The following SBF1 variants were observed in gnomAD, a reference collection of about 807,000 sequenced individuals.
SBF1 encodes SET binding factor 1, also known as myotubularin-related protein 5.
SBF1 carries 65 observed loss-of-function variants against 215.8 expected under a neutral mutation model. That is an observed-to-expected ratio of 0.30 (90% CI 0.25 to 0.37). The LOEUF is 0.37. SBF1 is among the 10% of genes least tolerant of loss of function. The probability of loss-of-function intolerance (pLI) is 1.00; values close to 1 mark genes in which losing one functional copy is unlikely to be tolerated. For missense variants in SBF1, 2,634 were observed against 2,667.8 expected, an observed-to-expected ratio of 0.99 and a Z score of 0.28; for synonymous variants, 1,410 against 1,122.8, an observed-to-expected ratio of 1.26 and a Z score of -5.11.
intron 36 of SBF1, among the ~76,000 whole-genome samples, chr22:50,451,337 C>T (rs1020698041): frequency 5.3e-5 from 8 of 151,974 alleles, no homozygotes. Context: ...AGAGCAAGAC[C>T]CTGTCTCAAG....
At chr22:50,456,918 G>C (rs998831757) in intron 29 of SBF1, 116 bp downstream of exon 29, 7 of 908,888 alleles carry the variant, frequency 7.7e-6, no homozygotes, top group Non-Finnish European at 9.4e-6. Flanking sequence ...CTCGGGAGAC[G>C]GGTCGTTAGT....
chr22:50,468,364 C>T lies in SBF1; in HGVS notation c.141+12G>A, dbSNP rs373099736. ...CACCTGCCAGCACCGTCTCAGCACG[C>T]CCCCAACTCACCAGCTCGATGCCCT... On this transcript the variant is annotated intron_variant, in intron 2 of 40. Coordinates refer to ENST00000380817, the MANE Select transcript of SBF1 (RefSeq NM_002972.4). 31 of 1,610,424 alleles carry T rather than the reference C, an allele frequency of 1.9e-5. No homozygotes were observed. In the Middle Eastern group the frequency reaches 5.0e-4, roughly 26 times the overall value.
Position 50,467,578 on chromosome 22 carries a change from T to C in SBF1, c.392A>G (p.Lys131Arg). 6.2e-7 allele frequency: 1 copy of C among 1,614,118 alleles called. No homozygotes were observed. The highest frequency in any genetic ancestry group is 8.5e-7 in the Non-Finnish European group (1 of 1,179,998). The part of the protein sequence containing the change: ...PAPSAQLFAP[K>R]TLVLVSRLDH... ...GAGTCGCGACACCAGTACCAGCGTCTTCGGTGCAAACAGCTGGGCAGATGG... is the reference window on the plus strand; with the variant it reads ...GAGTCGCGACACCAGTACCAGCGTCCTCGGTGCAAACAGCTGGGCAGATGG... Residue 131 changes from lysine (K) to arginine (R), a missense_variant, in exon 4 of 41, where the codon AAG becomes AGG. By Grantham distance (26) the Lys-to-Arg change is conservative. Transcript: ENST00000380817.
rs770565683 is a variant in SBF1 at position 50,456,598 on chromosome 22, C to T, written c.3980G>A (p.Arg1327Lys). ...GTDVGSRLAG[R>K]DALAPPQANG... ...GGCCTGGGGTGGGGCCAGCGCGTCT[C>T]TGCCAGCTAGCCGGGAGCCCACATC... Residue 1327 changes from arginine to lysine, a missense_variant, in exon 30 of 41, where the codon AGA (arginine) becomes AAA (lysine). Coordinates refer to ENST00000380817, the MANE Select transcript of SBF1 (RefSeq NM_002972.4). The T allele has an allele frequency of 1.3e-6, 2 of 1,535,648 alleles. No individual in the cohort carries two copies. Among genetic ancestry groups the T allele is most frequent in the Non-Finnish European group, 1.7e-6 (2 of 1,144,026 alleles).
At chr22:50,459,127 C>T (rs937433359) in intron 28 of SBF1, 128 bp downstream of exon 28, 1 of 1,358,812 alleles carries the variant, frequency 7.4e-7, no homozygotes, top group African/African-American at 1.5e-5. Flanking sequence ...GCATGCTCCT[C>T]ATCCCACACC....
At chr22:50,473,643 G>C (rs2068072118) in intron 1 of SBF1, among the ~76,000 whole-genome samples, 1 of 152,026 alleles carries the variant, frequency 6.6e-6, no homozygotes, top group African/African-American at 2.4e-5. Context: ...TCCAGCAGAA[G>C]AAACACAAAA....
At position 50,459,890 on chromosome 22, in the gene SBF1, G is replaced by A. The variant is rs932340765; in HGVS notation, c.3491+62C>T. ...CCAGAAGCCGTGGCCCAGGCCCACA[G>A]CGGGCAGGGAAGACACCCAGTCACG... On this transcript the variant is annotated intron_variant, in intron 26 of 40. Transcript: ENST00000380817. 1.9e-4 allele frequency: 298 copies of A among 1,567,900 alleles called. 1 individual carries two copies. In the African/African-American group the frequency reaches 1.9e-3, roughly 10 times the overall value.
intron 16 of SBF1, 82 bp downstream of exon 16, chr22:50,463,201 T>C: frequency 1.3e-6 from 2 of 1,553,968 alleles, no homozygotes; most frequent in East Asian, 4.6e-5. Context: ...GTCTCTCCAC[T>C]CTCACTCACA....
At position 50,445,315 on chromosome 22, in the gene SBF1, C is replaced by G. The variant is rs2066746921; in HGVS notation, c.*1827G>C. 6.9e-6 allele frequency: 1 copy of G among 145,010 alleles called. No individual in the cohort carries two copies. Among genetic ancestry groups the G allele is most frequent in the African/African-American group, 2.9e-5 (1 of 34,340 alleles). 9.0% of individuals were successfully genotyped at this position (145,010 alleles called of 1,614,324 possible). A position where few individuals can be genotyped will look rare whatever the true frequency, so the allele number is the denominator to read the frequency against. ...AACCACTTCGCCTAACGCTCAAACA[C>G]ATCAACCCCAGGACTTCCTTTTGTG... On this transcript the variant is annotated 3_prime_UTR_variant, in exon 41 of 41. Transcript: ENST00000380817.
chr22:50,446,397 CG>C lies in SBF1; in HGVS notation c.*744del, dbSNP rs1569507315. ...GCCTCCGGCCTCCATCCCTTCAGCT[CG>C]GGTCTAGCCAGAAACTGACGTCCAC... is the stretch of plus-strand genomic sequence containing the variant. On this transcript the variant is annotated 3_prime_UTR_variant, in exon 41 of 41. Transcript: ENST00000380817. 7.0e-6 allele frequency: 1 copy of C among 142,084 alleles called. No homozygotes were observed. The highest frequency in any genetic ancestry group is 2.6e-5 in the African/African-American group (1 of 38,816). The allele number at this position is 142,084 out of a possible 1,614,324, so 8.8% of individuals were successfully genotyped here.
At chr22:50,449,801 A>G (rs1311906870) in intron 36 of SBF1, among the ~76,000 whole-genome samples, 3 of 152,254 alleles carry the variant, frequency 2.0e-5, no homozygotes, top group Non-Finnish European at 4.4e-5. Flanking sequence ...CCAACTGTCA[A>G]CTTCCAGCCA....
At position 50,464,801 on chromosome 22, in the gene SBF1, G is replaced by T. The variant is rs559572013; in HGVS notation, c.1431+18C>A. ...GATCAAGGCGGTACGACGCCCTCCC[G>T]TCCTGCTACCCTCGTACGTTCTTGT... is the stretch of plus-strand genomic sequence containing the variant. On this transcript the variant is annotated intron_variant, in intron 13 of 40. Transcript: ENST00000380817. 1 of 1,613,194 alleles carries T rather than the reference G, an allele frequency of 6.2e-7. No individual in the cohort carries two copies. The highest frequency in any genetic ancestry group is 2.2e-5 in the East Asian group (1 of 44,882).
chr22:50,469,900 A>C (rs995387348), intron 1 of SBF1, among the ~76,000 whole-genome samples: 5 of 152,302 alleles, frequency 3.3e-5, no homozygotes, highest in African/African-American at 1.2e-4. Flanking sequence ...GGCAGAGCCA[A>C]GGAAGTCGGC....
In SBF1 at chr22:50,468,481, G is replaced by A. The variant is rs775060325; in HGVS notation, c.56-20C>T. On this transcript the variant is annotated intron_variant, in intron 1 of 40. Transcript: ENST00000380817. ...CACTCCCTGAGGACAAGAACAGGGG[G>A]TCAGAGCACCCAACCCGCCCCCCAC... 7.7e-6 allele frequency: 12 copies of A among 1,559,270 alleles called. No individual in the cohort carries two copies. Among genetic ancestry groups the A allele is most frequent in the East Asian group, 2.4e-5 (1 of 42,140 alleles).
intron 1 of SBF1, 96 bp from the exon 2 acceptor site, chr22:50,468,557 CCCT>C (rs1658150938): frequency 1.3e-6 from 1 of 781,830 alleles, no homozygotes; most frequent in African/African-American, 1.8e-5. Flanking sequence ...ACCCACTGGG[CCCT>C]CATCTGGCAC....
In SBF1 at chr22:50,474,863, G is replaced by A. The variant is rs911893208; in HGVS notation, c.-23C>T. The stretch of plus-strand genomic sequence containing the variant: ...CATGGCGAGGGACGCGGGGCGGCCC[G>A]AGGGGCGCGGGCGGGCTCCGCGGCT... On this transcript the variant is annotated 5_prime_UTR_variant, in exon 1 of 41. Transcript: ENST00000380817. 1.0e-5 allele frequency: 14 copies of A among 1,372,524 alleles called. No individual in the cohort carries two copies. Among genetic ancestry groups the A allele is most frequent in the African/African-American group, 9.3e-5 (6 of 64,864 alleles). 85.0% of individuals were successfully genotyped at this position (1,372,524 alleles called of 1,614,324 possible).
rs1239195801 is a variant in SBF1, at chr22:50,460,376, T to G, written c.3179A>C (p.Lys1060Thr). 1 of 1,613,108 alleles carries G rather than the reference T, an allele frequency of 6.2e-7. No homozygotes were observed. The highest frequency in any genetic ancestry group is 8.5e-7 in the Non-Finnish European group (1 of 1,179,466). The stretch of plus-strand genomic sequence containing the variant: ...GACATGCTGCCGCCCGATGGTCTTC[T>G]TGGCGTTCTTGACCAGGTTCCGGGA... ...TLSRNLVKNA[K>T]KTIGRQHVTR... is the part of the protein sequence containing the mutation. The change falls in exon 25 of 41, where the codon AAG becomes ACG. Residue 1060 changes from lysine (K) to threonine (T), a missense_variant. Physicochemically the swap from Lys to Thr is moderately conservative, Grantham distance 78. Coordinates refer to ENST00000380817, the MANE Select transcript of SBF1 (RefSeq NM_002972.4).
chr22:50,456,891 G>A (rs2067275141), intron 29 of SBF1, 143 bp downstream of exon 29: 3 of 762,684 alleles, frequency 3.9e-6, no homozygotes, highest in South Asian at 4.3e-5. Flanking sequence ...CACGGGTCAG[G>A]GAGGTAAGGA....
chr22:50,473,243 T>C lies in SBF1; in HGVS notation c.55+1543A>G, dbSNP rs2068056595. On this transcript the variant is annotated intron_variant, in intron 1 of 40. Coordinates refer to ENST00000380817, the MANE Select transcript of SBF1 (RefSeq NM_002972.4). ...CATCAGGGTCATTATCAGCTGTTCC[T>C]GTAGCCCCCGCCCCAGCCCTCAGCC... Among the ~76,000 whole-genome samples, 3 of 152,080 alleles carry C rather than the reference T, an allele frequency of 2.0e-5. No individual in the cohort carries two copies. In the South Asian group the frequency reaches 6.2e-4, roughly 32 times the overall value.
Sources: gnomAD v4.1 joint callset for allele counts (sites outside exome capture counted in the v4.1 genomes callset) on GRCh38, gnomAD v4.1.1 for gene constraint, MANE v1.5 for transcripts, NCBI Gene and HGNC (gene_info 2026-07-23, HGNC 2026-07-21) for gene names.